CSF1R: variants seen among roughly 807,000 people sequenced by gnomAD.
CSF1R encodes macrophage colony-stimulating factor 1 receptor.
A neutral mutation model predicts 110.0 loss-of-function variants in CSF1R; 40 were observed. The ratio of observed to expected loss-of-function variants is 0.36; its 90% CI spans 0.28 to 0.47. The LOEUF (loss-of-function observed/expected upper bound fraction) is 0.47. Ranked by LOEUF, CSF1R falls within the 20% of genes least tolerant of loss-of-function variation. The pLI is 0.99. For missense variants in CSF1R, 1,052 were observed against 1,253.0 expected (o/e 0.84, Z 2.42); for synonymous variants, 523 against 503.4 (o/e 1.04, Z -0.52).
Position 150,069,947 on chromosome 5 carries a change from T to G in CSF1R, c.1436A>C (p.His479Pro), listed in dbSNP as rs773709407. 6.2e-7 allele frequency: 1 copy of G among 1,614,036 alleles called. No homozygotes were observed. The highest frequency in any genetic ancestry group is 8.5e-7 in the Non-Finnish European group (1 of 1,179,918). ...GGCCCTGCACTCGTAGGTTTGGTTG[T>G]GCTCTAAGGTCTCAACAGTCAGCAG... ...QSLLTVETLE[H>P]NQTYECRAHN... The change falls in exon 9 of 21, where the codon CAC becomes CCC. Residue 479 changes from histidine (H) to proline (P), a missense_variant. By Grantham distance (77) the His-to-Pro change is moderately conservative. Around this residue, in one of 5 missense-constraint regions of CSF1R, gnomAD observed 693 missense variants for 735.4 expected, o/e 0.94. Transcript: ENST00000675795.
chr5:150,105,143 T>C lies in CSF1R; in HGVS notation c.-181+8118A>G, dbSNP rs200626320. On this transcript the variant is annotated intron_variant, in intron 1 of 21. Coordinates refer to the CSF1R transcript ENST00000286301. ...GCAGGTGGATCACGAGATCAGGAGA[T>C]GGAGACCAGCCTGGCTAACACAGTG... is the stretch of plus-strand genomic sequence containing the variant. Among the ~76,000 whole-genome samples the C allele has an allele frequency of 1.3e-4, 19 of 151,496 alleles. No individual in the cohort carries two copies. In the East Asian group the frequency reaches 3.1e-3, roughly 25 times the overall value.
chr5:150,095,617 A>G (rs1187236288), intron 1 of CSF1R, among the ~76,000 whole-genome samples: 2 of 152,278 alleles, frequency 1.3e-5, no homozygotes, highest in African/African-American at 4.8e-5. Flanking sequence ...AAACTAGAAA[A>G]AGAAGAACAA....
intron 1 of CSF1R, among the ~76,000 whole-genome samples, chr5:150,091,912 T>C (rs1040170698): frequency 7.3e-6 from 1 of 137,004 alleles, no homozygotes; most frequent in Non-Finnish European, 1.6e-5. Context: ...AAAAGGAGTA[T>C]GATACCAGCT....
At position 150,095,175 on chromosome 5, in the gene CSF1R, G is replaced by T. The variant is rs918630826; in HGVS notation, c.-180-8568C>A. 4.3e-4 allele frequency: 267 copies of T among 625,260 alleles called. 4 individuals carry two copies. The highest frequency in any genetic ancestry group is 6.8e-5 in the Non-Finnish European group (25 of 368,112). The allele number at this position is 625,260 out of a possible 1,614,324, so 38.7% of individuals were successfully genotyped here. A position where few individuals can be genotyped will look rare whatever the true frequency, so the allele number is the denominator to read the frequency against. On this transcript the variant is annotated intron_variant, in intron 1 of 21. Transcript: ENST00000286301. ...TACATGAAACAAAACTGATAGACCC[G>T]AAAGGAGAGATATAAAAATCTCTTG...
chr5:150,110,774 A>C (rs1759693692), intron 1 of CSF1R, among the ~76,000 whole-genome samples: 1 of 152,248 alleles, frequency 6.6e-6, no homozygotes, highest in Non-Finnish European at 1.5e-5. Context: ...GTTGCTGAAT[A>C]AAGAGAATAA....
chr5:150,088,519 CT>C (rs528725145), upstream of CSF1R, among the ~76,000 whole-genome samples: 376 of 145,976 alleles, frequency 2.6e-3, 1 homozygote, highest in Middle Eastern at 3.6e-3. Context: ...CAAACCAAAT[CT>C]TTTTTTTTTT....
chr5:150,100,310 TTTTC>T (rs1191333365), intron 1 of CSF1R, among the ~76,000 whole-genome samples: 9 of 140,790 alleles, frequency 6.4e-5, no homozygotes, highest in East Asian at 2.0e-4. Context: ...TTTTTTTTTT[TTTTC>T]TGAGACGGAG....
intron 6 of CSF1R, among the ~76,000 whole-genome samples, chr5:150,070,882 C>A (rs539110156): frequency 6.6e-6 from 1 of 152,310 alleles, no homozygotes; most frequent in Admixed American, 6.5e-5. Flanking sequence ...CTGGACTAAG[C>A]TTTCATGAAA....
intron 1 of CSF1R, among the ~76,000 whole-genome samples, chr5:150,099,203 T>C (rs1411492246): frequency 2.0e-5 from 3 of 151,908 alleles, no homozygotes; most frequent in African/African-American, 7.3e-5. Flanking sequence ...CCACCGTGCC[T>C]GGCCACGAAC....
intron 1 of CSF1R, among the ~76,000 whole-genome samples, chr5:150,096,837 C>G (rs1049327249): frequency 6.6e-6 from 1 of 152,324 alleles, no homozygotes; most frequent in African/African-American, 2.4e-5. Flanking sequence ...AACCCTACCA[C>G]TAACATTAAA....
In CSF1R at chr5:150,054,098, G is replaced by A. The variant is rs2113772407; in HGVS notation, c.2890C>T (p.Leu964=). 1 of 1,614,172 alleles carries A rather than the reference G, an allele frequency of 6.2e-7. No individual in the cohort carries two copies. Among genetic ancestry groups the A allele is most frequent in the Non-Finnish European group, 8.5e-7 (1 of 1,180,032 alleles). Residue 964 remains leucine, a synonymous_variant, in exon 21 of 21, where the codon CTG becomes TTG. Transcript: ENST00000675795. The part of the protein sequence containing the change: ...CEQGDIAQPL[L]QPNNYQFC ...CAGAACTGATAGTTGTTGGGCTGCAGCAAGGGCTGGGCGATATCCCCTTGC... is the reference window on the plus strand; with the variant it reads ...CAGAACTGATAGTTGTTGGGCTGCAACAAGGGCTGGGCGATATCCCCTTGC...
rs1323257665 is a variant in CSF1R at position 150,096,123 on chromosome 5, C to A, written c.-180-9516G>T. Among the ~76,000 whole-genome samples the A allele has an allele frequency of 2.0e-5, 3 of 152,328 alleles. No homozygotes were observed. In the East Asian group the frequency reaches 5.8e-4, roughly 29 times the overall value. On this transcript the variant is annotated intron_variant, in intron 1 of 21. Transcript: ENST00000286301. ...AAATAATACTGACCTGGCCCAGTGG[C>A]TCATGCCTGTAATCCCAGCACTTTG...
At chr5:150,109,177 C>T (rs1280946696) in intron 1 of CSF1R, among the ~76,000 whole-genome samples, 1 of 151,998 alleles carries the variant, frequency 6.6e-6, no homozygotes, top group Non-Finnish European at 1.5e-5. Flanking sequence ...TAGACACCCC[C>T]GGGGAAGGTA....
intron 10 of CSF1R, among the ~76,000 whole-genome samples, chr5:150,063,307 G>A (rs1021736264): frequency 4.0e-5 from 6 of 151,894 alleles, no homozygotes; most frequent in Admixed American, 1.3e-4. Context: ...ATGCCTGGCC[G>A]GGCAGTGAGA....
intron 16 of CSF1R, among the ~76,000 whole-genome samples, chr5:150,057,073 G>T (rs761062941): frequency 3.3e-5 from 5 of 151,914 alleles, no homozygotes; most frequent in Non-Finnish European, 7.4e-5. Context: ...TCATCTTCAC[G>T]CTGGGGACAC....
chr5:150,096,279 A>C, intron 1 of CSF1R, among the ~76,000 whole-genome samples: 1 of 152,174 alleles, frequency 6.6e-6, no homozygotes, highest in Non-Finnish European at 1.5e-5. Context: ...AATCCCAGCT[A>C]CTTGGGAGGC....
chr5:150,070,673 G>C (rs1757994656), intron 6 of CSF1R, 102 bp from the exon 7 acceptor site: 1 of 823,134 alleles, frequency 1.2e-6, no homozygotes, highest in Admixed American at 3.8e-5. Flanking sequence ...TTTTATTTTT[G>C]GTAAAATATT....
At chr5:150,069,782 C>T in intron 9 of CSF1R, 91 bp downstream of exon 9, 2 of 1,271,870 alleles carry the variant, frequency 1.6e-6, no homozygotes, top group East Asian at 5.1e-5. Flanking sequence ...AACCCCAGCT[C>T]CCTCGGTGGG....
At chr5:150,070,395 C>A (rs1053693166) in intron 7 of CSF1R, 61 bp downstream of exon 7, 9 of 1,574,138 alleles carry the variant, frequency 5.7e-6, no homozygotes, top group Middle Eastern at 1.7e-4. Flanking sequence ...CCCAGTCAAC[C>A]CCATCCCTCC....
Sources: allele counts gnomAD v4.1 joint callset (sites outside exome capture counted in the v4.1 genomes callset), GRCh38; gene constraint gnomAD v4.1.1; regional missense constraint gnomAD v4.1.1; transcripts MANE v1.5; gene names NCBI Gene and HGNC (gene_info 2026-07-23, HGNC 2026-07-21).